AUTS2: variants seen among roughly 807,000 people sequenced by gnomAD.
The protein encoded by AUTS2 is activator of transcription and developmental regulator AUTS2.
Under a neutral mutation model 112.4 loss-of-function variants are expected in AUTS2, and 17 were observed. The ratio of observed to expected loss-of-function variants is 0.15; its 90% CI spans 0.10 to 0.23. AUTS2 has a LOEUF of 0.23. AUTS2 is among the 10% of genes least tolerant of loss of function. The probability of loss-of-function intolerance (pLI) is 1.00; values close to 1 mark genes in which losing one functional copy is unlikely to be tolerated. For synonymous variants in AUTS2, 751 were observed against 702.7 expected (o/e 1.07, Z -1.09); for missense variants, 1,510 against 1,701.6 (o/e 0.89, Z 1.98).
At chr7:70,070,408 T>TAAAAA (rs58320845) in intron 2 of AUTS2, among the ~76,000 whole-genome samples, 1 of 128,442 alleles carries the variant, frequency 7.8e-6, no homozygotes, top group African/African-American at 2.9e-5. Flanking sequence ...CCCCGTCTCT[T>TAAAAA]AAAAAAAAAA....
intron 1 of AUTS2, among the ~76,000 whole-genome samples, chr7:69,813,456 G>A (rs1790631186): frequency 6.6e-6 from 1 of 152,150 alleles, no homozygotes; most frequent in Admixed American, 6.5e-5. Context: ...GGCACTGCTG[G>A]GTTTGCCTGC....
chr7:70,348,992 A>G (rs1256497889), intron 4 of AUTS2, among the ~76,000 whole-genome samples: 4 of 152,232 alleles, frequency 2.6e-5, no homozygotes, highest in Non-Finnish European at 5.9e-5. Context: ...TTAAATAACA[A>G]AAATGACTGA....
chr7:70,744,038 G>C (rs997544863), intron 6 of AUTS2, among the ~76,000 whole-genome samples: 6 of 147,604 alleles, frequency 4.1e-5, no homozygotes, highest in Admixed American at 1.4e-4. Flanking sequence ...TGTATTTCCA[G>C]CCCCGAGTGT....
intron 6 of AUTS2, among the ~76,000 whole-genome samples, chr7:70,733,310 T>C (rs1299178547): frequency 6.6e-6 from 1 of 152,164 alleles, no homozygotes; most frequent in African/African-American, 2.4e-5. Flanking sequence ...TTTACATCAC[T>C]CAGAGTCATG....
chr7:70,071,962 G>A (rs935328069), intron 2 of AUTS2, among the ~76,000 whole-genome samples: 1 of 140,916 alleles, frequency 7.1e-6, no homozygotes, highest in Non-Finnish European at 1.5e-5. Flanking sequence ...ACAAAGCTTG[G>A]CAGGTCTCTA....
intron 5 of AUTS2, among the ~76,000 whole-genome samples, chr7:70,666,926 ATGT>A (rs1308355318): frequency 6.7e-6 from 1 of 149,480 alleles, no homozygotes; most frequent in African/African-American, 2.5e-5. Flanking sequence ...ATAGAGAATG[ATGT>A]TGTTGAAGGG....
chr7:70,552,655 C>T (rs1350971961), intron 5 of AUTS2, among the ~76,000 whole-genome samples: 1 of 152,146 alleles, frequency 6.6e-6, no homozygotes, highest in African/African-American at 2.4e-5. Context: ...AATGATTCCC[C>T]TACGGATTTA....
rs1339537814 is a variant in AUTS2 at position 70,114,355 on chromosome 7, C to A, written c.523-3777C>A. On this transcript the variant is annotated intron_variant, in intron 2 of 18. Coordinates refer to ENST00000342771, the MANE Select transcript of AUTS2 (RefSeq NM_015570.4). ...GCAAGCAGATCAATTTTTCTTAGCT[C>A]TTTAAATGTTTAAGCCAGCATCTGG... 2.0e-5 allele frequency among the ~76,000 whole-genome samples: 3 copies of A among 152,194 alleles called. No individual in the cohort carries two copies. The East Asian group carries it at 5.8e-4, about 29-fold the overall frequency.
intron 2 of AUTS2, among the ~76,000 whole-genome samples, chr7:69,959,576 A>G (rs977988454): frequency 6.6e-6 from 1 of 152,284 alleles, no homozygotes; most frequent in Non-Finnish European, 1.5e-5. Flanking sequence ...GGATTCGCCC[A>G]GGATTTCACT....
chr7:69,989,925 A>G (rs550396768), intron 2 of AUTS2, among the ~76,000 whole-genome samples: 1 of 152,116 alleles, frequency 6.6e-6, no homozygotes, highest in Non-Finnish European at 1.5e-5. Context: ...GCCTGCTTCC[A>G]TGAGAATCTA....
At chr7:70,440,632 C>G (rs986626619) in intron 5 of AUTS2, among the ~76,000 whole-genome samples, 1 of 152,138 alleles carries the variant, frequency 6.6e-6, no homozygotes, top group African/African-American at 2.4e-5. Context: ...TCCCAAGGGC[C>G]CTTCTCCTGG....
intron 4 of AUTS2, among the ~76,000 whole-genome samples, chr7:70,136,326 G>A (rs1333209215): frequency 1.3e-5 from 2 of 152,170 alleles, no homozygotes; most frequent in Non-Finnish European, 2.9e-5. Context: ...TACCAGATGT[G>A]TATTCAGCTT....
chr7:69,889,976 T>C lies in AUTS2; in HGVS notation c.310-9310T>C, dbSNP rs937859093. Among the ~76,000 whole-genome samples the C allele has an allele frequency of 7.2e-5, 11 of 152,340 alleles. No homozygotes were observed. The East Asian group carries it at 2.1e-3, about 29-fold the overall frequency. On this transcript the variant is annotated intron_variant, in intron 1 of 18. Transcript: ENST00000342771. ...TCACTGATGAGATTTTCTGCCTCAG[T>C]CATGCTGTGCTCAGCTTTCAGAATG...
intron 4 of AUTS2, among the ~76,000 whole-genome samples, chr7:70,186,077 A>G (rs962704778): frequency 2.0e-5 from 3 of 152,216 alleles, no homozygotes; most frequent in Admixed American, 2.0e-4. Flanking sequence ...TTTGACATTC[A>G]TGGTGTCAAA....
At chr7:70,182,081 C>T (rs528570611) in intron 4 of AUTS2, among the ~76,000 whole-genome samples, 4 of 152,204 alleles carry the variant, frequency 2.6e-5, no homozygotes, top group Non-Finnish European at 4.4e-5. Flanking sequence ...GGATTACAGG[C>T]GTGAGCCACC....
intron 5 of AUTS2, among the ~76,000 whole-genome samples, chr7:70,580,575 G>C (rs17141778): frequency 0.41 from 61,948 of 152,082 alleles, 13,141 homozygotes; most frequent in East Asian, 0.67. Flanking sequence ...CAGGCCATGA[G>C]GGCTGCAGCT....
intron 1 of AUTS2, among the ~76,000 whole-genome samples, chr7:69,827,191 T>C (rs1451674476): frequency 1.3e-5 from 2 of 152,138 alleles, no homozygotes; most frequent in African/African-American, 4.8e-5. Context: ...GTTCTTTCTG[T>C]CCTGCCTTTA....
intron 4 of AUTS2, among the ~76,000 whole-genome samples, chr7:70,327,913 T>A (rs1486036147): frequency 2.0e-5 from 3 of 152,194 alleles, no homozygotes; most frequent in African/African-American, 7.2e-5. Flanking sequence ...GTATCTCCTG[T>A]AGCCTTGGTA....
At chr7:70,647,876 G>A (rs987774518) in intron 5 of AUTS2, among the ~76,000 whole-genome samples, 1 of 152,218 alleles carries the variant, frequency 6.6e-6, no homozygotes, top group Non-Finnish European at 1.5e-5. Flanking sequence ...CTAAAGACAG[G>A]ATTGTAGATC....
Sources: allele counts gnomAD v4.1 joint callset (sites outside exome capture counted in the v4.1 genomes callset), GRCh38; gene constraint gnomAD v4.1.1; transcripts MANE v1.5; gene names NCBI Gene and HGNC (gene_info 2026-07-23, HGNC 2026-07-21).